The following LINGO2 variants were observed in gnomAD, a reference collection of about 807,000 sequenced individuals.
The protein encoded by LINGO2 is leucine-rich repeat and immunoglobulin-like domain-containing nogo receptor-interacting protein 2.
A neutral mutation model predicts 30.6 loss-of-function variants in LINGO2; 14 were observed. That is an observed-to-expected ratio of 0.46 (90% CI 0.30 to 0.72). The LOEUF (loss-of-function observed/expected upper bound fraction) is 0.72, where lower values mean the gene tolerates loss of function less well. Ranked by LOEUF, LINGO2 falls within the 30% of genes least tolerant of loss-of-function variation. The pLI, the probability that LINGO2 is intolerant of heterozygous loss-of-function variation, is 0.07. For missense variants in LINGO2, 729 were observed against 751.7 expected (o/e 0.97, Z 0.35); for synonymous variants, 317 against 288.5 (o/e 1.10, Z -1.00).
At chr9:28,469,643 A>T (rs887947594) in intron 2 of LINGO2, among the ~76,000 whole-genome samples, 9 of 152,182 alleles carry the variant, frequency 5.9e-5, no homozygotes, top group African/African-American at 2.2e-4. Flanking sequence ...AATTTTGCAG[A>T]CCATAAAGCA....
At chr9:28,382,344 A>G (rs544794275) in intron 2 of LINGO2, among the ~76,000 whole-genome samples, 14 of 152,280 alleles carry the variant, frequency 9.2e-5, no homozygotes, top group Admixed American at 5.2e-4. Flanking sequence ...GGAATGATTC[A>G]CATGGAAAAA....
intron 2 of LINGO2, among the ~76,000 whole-genome samples, chr9:28,411,498 G>A (rs2134815786): frequency 1.3e-5 from 2 of 152,146 alleles, no homozygotes; most frequent in South Asian, 4.1e-4. Flanking sequence ...TATTAAACAA[G>A]AAATCACCAT....
At chr9:28,031,278 C>A (rs771964860) in intron 4 of LINGO2, among the ~76,000 whole-genome samples, 2 of 151,582 alleles carry the variant, frequency 1.3e-5, no homozygotes, top group African/African-American at 2.4e-5. Context: ...AAAATGGGAC[C>A]ATCCACCATG....
chr9:28,072,220 A>T (rs1486257248), intron 4 of LINGO2, among the ~76,000 whole-genome samples: 1 of 152,190 alleles, frequency 6.6e-6, no homozygotes, highest in Non-Finnish European at 1.5e-5. Flanking sequence ...CTTGCACACA[A>T]CATGGAGAAT....
chr9:29,045,157 C>T, the LINGO2 span, among the ~76,000 whole-genome samples: 1 of 152,048 alleles, frequency 6.6e-6, no homozygotes, highest in South Asian at 2.1e-4. Context: ...ATTCATGATT[C>T]ACATTCCAGC....
At chr9:28,694,238 A>G in the LINGO2 span, among the ~76,000 whole-genome samples, 2 of 151,886 alleles carry the variant, frequency 1.3e-5, no homozygotes, top group African/African-American at 2.4e-5. Context: ...TATTAATCTA[A>G]TATATTAAAA....
intron 4 of LINGO2, among the ~76,000 whole-genome samples, chr9:28,189,147 C>A (rs1308095023): frequency 6.6e-6 from 1 of 151,662 alleles, no homozygotes; most frequent in African/African-American, 2.4e-5. Flanking sequence ...CTTTATACAC[C>A]TTTCCAAACC....
intron 3 of LINGO2, among the ~76,000 whole-genome samples, chr9:28,308,111 C>T (rs1282521000): frequency 7.2e-6 from 1 of 139,504 alleles, no homozygotes; most frequent in Non-Finnish European, 1.6e-5. Flanking sequence ...AAAAAAGAGC[C>T]CTCATCGCCA....
At chr9:28,634,864 T>C (rs1431523208) in intron 1 of LINGO2, among the ~76,000 whole-genome samples, 1 of 152,158 alleles carries the variant, frequency 6.6e-6, no homozygotes, top group Non-Finnish European at 1.5e-5. Flanking sequence ...AGTCTGTGAA[T>C]AGAAAAATCA....
chr9:28,421,319 T>C (rs930218500), intron 2 of LINGO2, among the ~76,000 whole-genome samples: 1 of 151,898 alleles, frequency 6.6e-6, no homozygotes, highest in Non-Finnish European at 1.5e-5. Flanking sequence ...CTATTTTAAT[T>C]AATCAGAAGG....
the LINGO2 span, among the ~76,000 whole-genome samples, chr9:28,948,237 G>T: frequency 6.6e-6 from 1 of 151,994 alleles, no homozygotes; most frequent in Non-Finnish European, 1.5e-5. Context: ...GTGTGTTAGA[G>T]AAAGAAAAAT....
chr9:28,511,021 T>C (rs564312623), intron 1 of LINGO2, among the ~76,000 whole-genome samples: 4 of 152,076 alleles, frequency 2.6e-5, no homozygotes, highest in African/African-American at 9.6e-5. Flanking sequence ...TGGCAGCTGA[T>C]TAGACTGTGC....
At chr9:27,951,398 G>A (rs1258689195) in intron 5 of LINGO2, among the ~76,000 whole-genome samples, 3 of 152,116 alleles carry the variant, frequency 2.0e-5, no homozygotes, top group African/African-American at 7.2e-5. Flanking sequence ...TTTCTCATAG[G>A]AATGAGGCAG....
the LINGO2 span, among the ~76,000 whole-genome samples, chr9:28,963,981 A>C: frequency 6.6e-6 from 1 of 151,926 alleles, no homozygotes; most frequent in Non-Finnish European, 1.5e-5. Flanking sequence ...GAATATCCCA[A>C]ATATCCAGAT....
At chr9:27,953,474 C>A (rs1337425989) in intron 5 of LINGO2, among the ~76,000 whole-genome samples, 1 of 151,886 alleles carries the variant, frequency 6.6e-6, no homozygotes, top group Non-Finnish European at 1.5e-5. Flanking sequence ...TTGGCTGTGT[C>A]CCCACCCAAA....
chr9:28,908,008 GT>G, the LINGO2 span, among the ~76,000 whole-genome samples: 2 of 151,742 alleles, frequency 1.3e-5, no homozygotes, highest in African/African-American at 4.8e-5. Flanking sequence ...AGGGATATAG[GT>G]TTCCTCAGCA....
intron 5 of LINGO2, among the ~76,000 whole-genome samples, chr9:27,975,623 C>T (rs1376652806): frequency 6.6e-6 from 1 of 151,978 alleles, no homozygotes; most frequent in South Asian, 2.1e-4. Context: ...ATATTAAGAC[C>T]CTGTTTTATG....
At chr9:28,532,256 A>G (rs1821262529) in intron 1 of LINGO2, among the ~76,000 whole-genome samples, 1 of 152,160 alleles carries the variant, frequency 6.6e-6, no homozygotes, top group South Asian at 2.1e-4. Flanking sequence ...TTCTCCTATA[A>G]ATCTAGGAAA....
chr9:28,950,079 G>A, the LINGO2 span, among the ~76,000 whole-genome samples: 1,074 of 152,252 alleles, frequency 7.1e-3, 22 homozygotes, highest in African/African-American at 0.024. Context: ...GGGATGCAAG[G>A]CTGGTTCAAT....
Sources: allele counts gnomAD v4.1 joint callset (sites outside exome capture counted in the v4.1 genomes callset), GRCh38; gene constraint gnomAD v4.1.1; transcripts MANE v1.5; gene names NCBI Gene and HGNC (gene_info 2026-07-23, HGNC 2026-07-21).